Variants in SNRPB observed in about 807,000 individuals in gnomAD.
SNRPB encodes the protein small nuclear ribonucleoprotein polypeptides B and B1.
A neutral mutation model predicts 26.6 loss-of-function variants in SNRPB; 5 were observed. The observed-to-expected ratio is 0.19, with a 90% confidence interval of 0.10 to 0.39. SNRPB has a LOEUF of 0.39. SNRPB is among the 10% of genes least tolerant of loss of function. SNRPB has a pLI of 1.00. For missense variants in SNRPB, 211 were observed against 311.9 expected (o/e 0.68, Z 2.44); for synonymous variants, 122 against 105.8 (o/e 1.15, Z -0.94).
rs534311858 is a variant in SNRPB at position 2,462,572 on chromosome 20, C to T, written c.685+64G>A. On this transcript the variant is annotated intron_variant, in intron 6 of 6. Transcript: ENST00000381342. ...GGGATATGATCTAAATGCAATCTTCCCTCCATTTCCTATCCCACTAGGCTC... is the reference window on the plus strand; with the variant it reads ...GGGATATGATCTAAATGCAATCTTCTCTCCATTTCCTATCCCACTAGGCTC... The T allele has an allele frequency of 1.7e-4, 231 of 1,385,606 alleles. No individual in the cohort carries two copies. In the East Asian group the frequency reaches 4.2e-3, roughly 25 times the overall value. 85.8% of individuals were successfully genotyped at this position (1,385,606 alleles called of 1,614,324 possible).
chr20:2,462,649 G>A lies in SNRPB; in HGVS notation c.672C>T (p.Pro224=), dbSNP rs761783476. The A allele has an allele frequency of 1.2e-6, 2 of 1,613,018 alleles. No homozygotes were observed. The highest frequency in any genetic ancestry group is 2.2e-5 in the South Asian group (2 of 91,072). ...GMPPPGMRPP[P]PGMRGLL ...GCAGGCACTTACCTCGCATCCCAGG[G>A]GGAGGAGGCCGCATTCCCGGAGGGG... The change falls in exon 6 of 7, where the codon CCC becomes CCT. Residue 224 remains proline (P), a synonymous_variant. Transcript: ENST00000381342.
intron 5 of SNRPB, 66 bp from the exon 6 acceptor site, chr20:2,462,827 C>T: frequency 7.4e-7 from 1 of 1,348,424 alleles, no homozygotes; most frequent in South Asian, 1.4e-5. Context: ...AAAAAAACTA[C>T]AAAGCTTTCC....
intron 1 of SNRPB, among the ~76,000 whole-genome samples, chr20:2,469,888 G>A (rs1417561635): frequency 6.6e-6 from 1 of 151,950 alleles, no homozygotes; most frequent in Non-Finnish European, 1.5e-5. Context: ...TTTAAATCTT[G>A]TTACCCTTCA....
intron 1 of SNRPB, 35 bp from the exon 2 acceptor site, chr20:2,467,793 T>C: frequency 6.2e-7 from 1 of 1,604,640 alleles, no homozygotes; most frequent in South Asian, 1.1e-5. Context: ...GAGACTCTGC[T>C]CTTTTGGACC....
At position 2,463,356 on chromosome 20, in the gene SNRPB, AC is replaced by A; in HGVS notation, c.421-130del. On this transcript the variant is annotated intron_variant, in intron 4 of 6. Coordinates refer to ENST00000381342, the MANE Select transcript of SNRPB (RefSeq NM_003091.4). This position sits in a 1 kb window ranked among gnomAD's most constrained non-coding sequence, Gnocchi z 5.0. ...ATCCCTTAATGCTACAACTCTCAGC[AC>A]CAGACTTCCCATCCAAAACCACATG... 1.4e-6 allele frequency: 1 copy of A among 720,440 alleles called. No homozygotes were observed. The highest frequency in any genetic ancestry group is 2.4e-6 in the Non-Finnish European group (1 of 409,514). 44.6% of individuals were successfully genotyped at this position (720,440 alleles called of 1,614,324 possible).
In SNRPB at chr20:2,463,750, T is replaced by C. The variant is rs1371434958; in HGVS notation, c.417A>G (p.Gln139=). Residue 139 remains glutamine (Q), a synonymous_variant, in exon 4 of 7, where the codon CAA becomes CAG. Coordinates refer to ENST00000381342, the MANE Select transcript of SNRPB (RefSeq NM_003091.4). This position sits in a 1 kb window ranked among gnomAD's most constrained non-coding sequence, Gnocchi z 5.0. ...TACCCTTTCCCCAACTCCTCACCTG[T>C]TGGGATGGCCCGCCAACCCCACGGA... ...GPVRGVGGPS[Q]QVMTPQGRGT... 6 of 1,584,814 alleles carry C rather than the reference T, an allele frequency of 3.8e-6. No homozygotes were observed. The South Asian group carries it at 6.9e-5, about 18-fold the overall frequency.
chr20:2,470,746 CCT>C lies in SNRPB; in HGVS notation c.-58_-57del. 3.7e-6 allele frequency: 6 copies of C among 1,607,620 alleles called. No individual in the cohort carries two copies. The highest frequency in any genetic ancestry group is 1.1e-5 in the South Asian group (1 of 91,008). On this transcript the variant is annotated 5_prime_UTR_variant, in exon 1 of 7. Coordinates refer to ENST00000381342, the MANE Select transcript of SNRPB (RefSeq NM_003091.4). ...CGGATTCGCCTCCTCAGAGGCCTAG[CCT>C]CTCTCCCACAGCCGATTTCCCGCCG...
chr20:2,465,390 C>CTTTTT lies in SNRPB; in HGVS notation c.267+313_267+317dup, dbSNP rs1222595485. On this transcript the variant is annotated intron_variant, in intron 3 of 6. Coordinates refer to ENST00000381342, the MANE Select transcript of SNRPB (RefSeq NM_003091.4). ...CCACTTCTTTCTTGCAGGGTAACCT[C>CTTTTT]TTTTTTTTTTTTTTGTCTTTTTTTT... 6.0e-3 allele frequency among the ~76,000 whole-genome samples: 732 copies of CTTTTT among 122,250 alleles called. 7 individuals are homozygous for CTTTTT. The highest frequency in any genetic ancestry group is 0.02 in the African/African-American group (655 of 32,942). The allele number at this position is 122,250 out of a possible 152,430, so 80.2% of individuals were successfully genotyped here. A position where few individuals can be genotyped will look rare whatever the true frequency, so the allele number is the denominator to read the frequency against.
In SNRPB at chr20:2,463,886, C is replaced by A; in HGVS notation, c.281G>T (p.Arg94Leu). 1 of 1,613,260 alleles carries A rather than the reference C, an allele frequency of 6.2e-7. No homozygotes were observed. Among genetic ancestry groups the A allele is most frequent in the Admixed American group, 1.7e-5 (1 of 59,876 alleles). Residue 94 changes from arginine to leucine, a missense_variant, in exon 4 of 7, where the codon CGA (arginine) becomes CTA (leucine). Transcript: ENST00000381342. This position sits in a 1 kb window ranked among gnomAD's most constrained non-coding sequence, Gnocchi z 5.0. ...CCCGGCAGCTCCAGCAAGTGGAACT[C>A]GAGCAATACCAGTCTGAAAAATAAA... ...GPPPKDTGIARVPLAGAAGGP... is the reference protein window; with the variant it reads ...GPPPKDTGIALVPLAGAAGGP...
At chr20:2,462,008 TC>T in intron 6 of SNRPB, 69 bp from the exon 7 acceptor site, 1 of 1,108,412 alleles carries the variant, frequency 9.0e-7, no homozygotes, top group Admixed American at 1.8e-5. Context: ...TGCCCCAGCC[TC>T]CCACGCCCTG....
At chr20:2,465,884 G>A in intron 2 of SNRPB, 65 bp from the exon 3 acceptor site, 1 of 1,225,554 alleles carries the variant, frequency 8.2e-7, no homozygotes, top group South Asian at 1.2e-5. Context: ...CTGCCTAGTG[G>A]CCTCCAAGAT....
At position 2,467,087 on chromosome 20, in the gene SNRPB, A is replaced by C. The variant is rs560637416; in HGVS notation, c.155+520T>G. On this transcript the variant is annotated intron_variant, in intron 2 of 6. Coordinates refer to ENST00000381342, the MANE Select transcript of SNRPB (RefSeq NM_003091.4). ...GAGACTCAAGGCAAGGGAGTTAGCC[A>C]ATAACTTACGGAATTGTAGCAAAGT... 297 of 294,664 alleles carry C rather than the reference A, an allele frequency of 1.0e-3. 2 individuals carry two copies. The highest frequency in any genetic ancestry group is 1.7e-3 in the Non-Finnish European group (252 of 148,088). 18.3% of individuals were successfully genotyped at this position (294,664 alleles called of 1,614,324 possible).
chr20:2,468,500 C>T (rs2085088781), intron 1 of SNRPB, among the ~76,000 whole-genome samples: 1 of 152,248 alleles, frequency 6.6e-6, no homozygotes, highest in South Asian at 2.1e-4. Context: ...GGCATTTGAT[C>T]TGTATATCAT....
At chr20:2,467,106 G>A in intron 2 of SNRPB, 1 of 301,286 alleles carries the variant, frequency 3.3e-6, no homozygotes, top group Non-Finnish European at 6.6e-6. Flanking sequence ...CGGAATTGTA[G>A]CAAAGTAGAC....
At chr20:2,468,971 C>A (rs2085092895) in intron 1 of SNRPB, among the ~76,000 whole-genome samples, 1 of 152,112 alleles carries the variant, frequency 6.6e-6, no homozygotes, top group African/African-American at 2.4e-5. Context: ...ATACTGCGAG[C>A]CTCCCTCAGG....
At chr20:2,467,002 T>C (rs2085078770) in intron 2 of SNRPB, among the ~76,000 whole-genome samples, 1 of 152,222 alleles carries the variant, frequency 6.6e-6, no homozygotes, top group East Asian at 1.9e-4. Context: ...TAGCCTTGAA[T>C]GTAAAACATG....
chr20:2,468,208 A>T (rs1426421592), intron 1 of SNRPB, among the ~76,000 whole-genome samples: 1 of 152,210 alleles, frequency 6.6e-6, no homozygotes, highest in Non-Finnish European at 1.5e-5. Context: ...AATCAACAAG[A>T]AGCTTGTTAT....
intron 1 of SNRPB, 68 bp from the exon 2 acceptor site, chr20:2,467,826 A>G: frequency 6.8e-7 from 1 of 1,479,980 alleles, no homozygotes; most frequent in Non-Finnish European, 9.3e-7. Context: ...GCCCTCCCCA[A>G]AACTTCCCAT....
chr20:2,464,253 G>A (rs192162687), intron 3 of SNRPB, among the ~76,000 whole-genome samples: 151 of 152,320 alleles, frequency 9.9e-4, no homozygotes, highest in African/African-American at 3.5e-3. Flanking sequence ...ATTCTAATCC[G>A]CTAGGTGACA....
Sources: gnomAD v4.1 joint callset for allele counts (sites outside exome capture counted in the v4.1 genomes callset) on GRCh38, gnomAD v4.1.1 for gene constraint, Gnocchi (gnomAD v3.1) non-coding constraint, MANE v1.5 for transcripts, NCBI Gene and HGNC (gene_info 2026-07-23, HGNC 2026-07-21) for gene names.